Variants in GEN1 observed in about 807,000 individuals in gnomAD.
The protein encoded by GEN1 is GEN1 structure-specific endonuclease, also known as flap endonuclease GEN homolog 1.
GEN1 carries 64 observed loss-of-function variants against 67.6 expected under a neutral mutation model. The ratio of observed to expected loss-of-function variants is 0.95; its 90% confidence interval spans 0.77 to 1.17. The LOEUF is 1.17. GEN1 is among the 50% of genes most tolerant of loss of function. The pLI is 0.00. For missense variants in GEN1, 1,058 were observed against 1,048.3 expected (o/e 1.01, Z -0.13); for synonymous variants, 371 against 359.4 (o/e 1.03, Z -0.37).
rs780197637 is a variant in GEN1 at position 17,780,683 on chromosome 2, A to C, written c.1471A>C (p.Met491Leu). Residue 491 changes from methionine to leucine, a missense_variant, in exon 14 of 14, where the codon ATG (methionine) becomes CTG (leucine). Coordinates refer to ENST00000381254, the MANE Select transcript of GEN1 (RefSeq NM_001130009.3). ...PDEVMSFQSH[M>L]TLKPTCEIFH... ...TGAAGTAATGAGCTTTCAGTCACAC[A>C]TGACTTTAAAACCCACATGTGAAAT... 6 of 1,613,504 alleles carry C rather than the reference A, an allele frequency of 3.7e-6. No individual in the cohort carries two copies. The African/African-American group carries it at 8.0e-5, about 22-fold the overall frequency.
intron 4 of GEN1, 28 bp from the exon 5 acceptor site, chr2:17,766,551 G>A (rs373690883): frequency 8.5e-7 from 1 of 1,174,288 alleles, no homozygotes. Context: ...ACTTTTTGAG[G>A]ATTAAACTAA....
chr2:17,768,520 A>G (rs1484867037), intron 5 of GEN1, among the ~76,000 whole-genome samples: 5 of 152,226 alleles, frequency 3.3e-5, no homozygotes, highest in Non-Finnish European at 7.3e-5. Context: ...GTTTACATAG[A>G]TAACAGTGTA....
rs771158844 is a variant in GEN1 at position 17,780,033 on chromosome 2, G to A, written c.1320G>A (p.Glu440=). The change falls in exon 13 of 14, where the codon GAG becomes GAA. Residue 440 remains glutamate, a synonymous_variant. Coordinates refer to ENST00000381254, the MANE Select transcript of GEN1 (RefSeq NM_001130009.3). The stretch of plus-strand genomic sequence containing the variant: ...GAGAATTTGCTTTATTAACAATTGA[G>A]GAAGAATCATTGTTTGAAGCAGCAT... ...QHGEFALLTI[E]EESLFEAAYP... is the part of the protein sequence containing the mutation. The A allele has an allele frequency of 1.9e-6, 3 of 1,601,938 alleles. No individual in the cohort carries two copies. The highest frequency in any genetic ancestry group is 2.6e-6 in the Non-Finnish European group (3 of 1,169,136).
At chr2:17,756,528 A>G (rs1355935304) in intron 1 of GEN1, among the ~76,000 whole-genome samples, 3 of 152,214 alleles carry the variant, frequency 2.0e-5, no homozygotes, top group Non-Finnish European at 4.4e-5. Flanking sequence ...AAATTTTACC[A>G]TAGTAAAAAA....
intron 11 of GEN1, among the ~76,000 whole-genome samples, chr2:17,775,407 T>A (rs776631671): frequency 3.9e-5 from 6 of 152,216 alleles, no homozygotes; most frequent in African/African-American, 2.4e-5. Context: ...GATTAGTTCC[T>A]AGAAGCTAAT....
chr2:17,778,161 CACATAGAT>C (rs1448136996), intron 12 of GEN1, 98 bp downstream of exon 12: 1 of 539,342 alleles, frequency 1.9e-6, no homozygotes, highest in South Asian at 2.0e-5. Context: ...TATACACACA[CACATAGAT>C]ATGTGTATAT....
chr2:17,754,096 G>A (rs946059215), upstream of GEN1: 10 of 152,432 alleles, frequency 6.6e-5, no homozygotes, highest in East Asian at 1.4e-3. Flanking sequence ...GGGGAAAGGG[G>A]TCAGTCACTT....
intron 3 of GEN1, among the ~76,000 whole-genome samples, chr2:17,764,563 C>G (rs567002170): frequency 9.4e-4 from 143 of 152,174 alleles, no homozygotes; most frequent in African/African-American, 3.2e-3. Flanking sequence ...TTCATCTATT[C>G]CCCTATCCAC....
chr2:17,778,681 C>T (rs1000169985), intron 12 of GEN1, among the ~76,000 whole-genome samples: 4 of 151,942 alleles, frequency 2.6e-5, no homozygotes, highest in African/African-American at 9.7e-5. Flanking sequence ...TTCTCAAATA[C>T]ATGCTTTTAC....
chr2:17,753,833 C>T (rs1471026673), upstream of GEN1: 1 of 152,148 alleles, frequency 6.6e-6, no homozygotes, highest in East Asian at 1.9e-4. Context: ...CGCCCTCCCT[C>T]CCTTCGGGCT....
rs748219979 is a variant in GEN1 at position 17,781,973 on chromosome 2, T to C, written c.*34T>C. 1.7e-6 allele frequency: 2 copies of C among 1,210,202 alleles called. No individual in the cohort carries two copies. The highest frequency in any genetic ancestry group is 1.5e-5 in the South Asian group (1 of 65,742). 75.0% of individuals were successfully genotyped at this position (1,210,202 alleles called of 1,614,324 possible). ...ACACTTAGGTATAACTTAACTATTT[T>C]AGTACTATCAGCAATAGCAGAGACA... is the stretch of plus-strand genomic sequence containing the variant. On this transcript the variant is annotated 3_prime_UTR_variant, in exon 14 of 14. Transcript: ENST00000381254.
chr2:17,756,864 C>T (rs1671455496), intron 1 of GEN1, among the ~76,000 whole-genome samples: 1 of 152,172 alleles, frequency 6.6e-6, no homozygotes, highest in Non-Finnish European at 1.5e-5. Context: ...CTATTGCATT[C>T]TGTCCTTTTT....
chr2:17,771,752 T>A (rs1672200872), intron 7 of GEN1, among the ~76,000 whole-genome samples: 1 of 150,822 alleles, frequency 6.6e-6, no homozygotes, highest in Non-Finnish European at 1.5e-5. Flanking sequence ...TCACTATTCT[T>A]GAAAATAGCT....
chr2:17,759,947 G>A lies in GEN1; in HGVS notation c.4G>A (p.Gly2Arg). Reference sequence around the variant, plus strand: ...ATAACAGCAGATAATCACCAGAATGGGAGTGAATGACTTGTGGCAAATTTT... The same window carrying A: ...ATAACAGCAGATAATCACCAGAATGAGAGTGAATGACTTGTGGCAAATTTT... M[G>R]VNDLWQILEP... The change falls in exon 2 of 14, where the codon GGA becomes AGA. Residue 2 changes from glycine to arginine, a missense_variant. Transcript: ENST00000381254. 1.2e-6 allele frequency: 2 copies of A among 1,613,734 alleles called. No homozygotes were observed. Among genetic ancestry groups the A allele is most frequent in the Non-Finnish European group, 1.7e-6 (2 of 1,179,824 alleles).
intron 6 of GEN1, among the ~76,000 whole-genome samples, chr2:17,770,607 A>G (rs1201989598): frequency 6.6e-6 from 1 of 152,160 alleles, no homozygotes; most frequent in African/African-American, 2.4e-5. Context: ...ACTTTTAATT[A>G]GTAGAAATCT....
Position 17,754,204 on chromosome 2 carries a change from T to C in GEN1, c.-157T>C, listed in dbSNP as rs2125108628. ...TTGAGCCCGGGGAGCTAGTCTTTGCTTGGGTAAAGAAAGAGGACTTTCCTT... is the reference window on the plus strand; with the variant it reads ...TTGAGCCCGGGGAGCTAGTCTTTGCCTGGGTAAAGAAAGAGGACTTTCCTT... On this transcript the variant is annotated 5_prime_UTR_variant, in exon 1 of 14. Coordinates refer to ENST00000381254, the MANE Select transcript of GEN1 (RefSeq NM_001130009.3). The C allele has an allele frequency of 6.6e-6, 1 of 151,054 alleles. No individual in the cohort carries two copies. Among genetic ancestry groups the C allele is most frequent in the African/African-American group, 2.4e-5 (1 of 41,178 alleles). The allele number at this position is 151,054 out of a possible 1,614,324, so 9.4% of individuals were successfully genotyped here. A position where few individuals can be genotyped will look rare whatever the true frequency, so the allele number is the denominator to read the frequency against.
At chr2:17,753,559 AAGG>A (rs140382997), upstream of GEN1, 16,119 of 152,336 alleles carry the variant, frequency 0.11, 1,116 homozygotes, top group Non-Finnish European at 0.16. Context: ...GTCGCCAGCC[AAGG>A]GGGCAGCGGG....
chr2:17,757,254 T>G (rs987723739), intron 1 of GEN1, among the ~76,000 whole-genome samples: 4 of 151,980 alleles, frequency 2.6e-5, no homozygotes, highest in Non-Finnish European at 5.9e-5. Flanking sequence ...GACTTTTTTT[T>G]TTTTTTTTTA....
In GEN1 at chr2:17,781,661, A is replaced by G. The variant is rs77374434; in HGVS notation, c.2449A>G (p.Thr817Ala). 6.3e-3 allele frequency: 10,142 copies of G among 1,613,982 alleles called. 557 individuals carry two copies. The African/African-American group carries it at 0.12, about 18-fold the overall frequency. Residue 817 changes from threonine to alanine, a missense_variant, in exon 14 of 14, where the codon ACT becomes GCT. Transcript: ENST00000381254. ...APVFGKAKYT[T>A]QRMKHSSQKH... is the part of the protein sequence containing the mutation. ...AGTGTTTGGGAAAGCTAAGTACACA[A>G]CTCAAAGAATGAAGCACAGTTCTCA...
Sources: allele counts gnomAD v4.1 joint callset (sites outside exome capture counted in the v4.1 genomes callset), GRCh38; gene constraint gnomAD v4.1.1; transcripts MANE v1.5; gene names NCBI Gene and HGNC (gene_info 2026-07-23, HGNC 2026-07-21).